Variants in HMCN2 observed in about 807,000 individuals in gnomAD.
HMCN2 encodes the protein hemicentin 2, also known as hemicentin-2.
A neutral mutation model predicts 377.5 loss-of-function variants in HMCN2; 325 were observed. The ratio of observed to expected loss-of-function variants is 0.86; its 90% CI spans 0.79 to 0.94. The LOEUF is 0.94. HMCN2 is among the 40% of genes least tolerant of loss of function. HMCN2 has a pLI of 0.00. For missense variants in HMCN2, 4,543 were observed against 4,725.3 expected (o/e 0.96, Z 1.13); for synonymous variants, 2,007 against 2,046.8 (o/e 0.98, Z 0.53).
chr9:130,317,467 ATCTCTCTCTCTCTCTC>A (rs1177875902), intron 15 of HMCN2, among the ~76,000 whole-genome samples: 5,737 of 123,432 alleles, frequency 0.046, 413 homozygotes, highest in African/African-American at 0.17. Context: ...AGACCCCACC[ATCTCTCTCTCTCTCTC>A]TCTCTCTCTC....
In HMCN2 at chr9:130,349,588, C is replaced by T. The variant is rs865945760; in HGVS notation, c.4355C>T (p.Ala1452Val). ...AGAAQEVLGL[A>V]GADVELQCWT... ...GCCGCTCAGGAGGTGCTAGGATTGG[C>T]CGGTGCAGACGTGGAGCTGCAGTGT... The change falls in exon 29 of 98, where the codon GCC (alanine) becomes GTC (valine). Residue 1452 changes from alanine (A) to valine (V), a missense_variant. Physicochemically the swap from Ala to Val is moderately conservative, Grantham distance 64. Around this residue, in one of 5 missense-constraint regions of HMCN2, gnomAD observed 1,032 missense variants for 1,285.1 expected, o/e 0.80. Coordinates refer to ENST00000683500, the MANE Select transcript of HMCN2 (RefSeq NM_001291815.2). The T allele has an allele frequency of 1.5e-6, 2 of 1,303,948 alleles. No homozygotes were observed. The highest frequency in any genetic ancestry group is 2.0e-6 in the Non-Finnish European group (2 of 988,892). 80.8% of individuals were successfully genotyped at this position (1,303,948 alleles called of 1,614,324 possible).
At chr9:130,383,976 G>C (rs144231951) in intron 57 of HMCN2, among the ~76,000 whole-genome samples, 2 of 152,162 alleles carry the variant, frequency 1.3e-5, no homozygotes, top group East Asian at 1.9e-4. Context: ...AGTGGGATTG[G>C]GGGGGTCTCA....
In HMCN2 at chr9:130,392,130, G is replaced by T. The variant is rs922296068; in HGVS notation, c.10136+12G>T. ...GGCCACACCCTCAGGTAGGGGAGAC[G>T]GTGGACAGGCCTTGGCTATTCCACT... On this transcript the variant is annotated intron_variant, in intron 66 of 97. Coordinates refer to ENST00000683500, the MANE Select transcript of HMCN2 (RefSeq NM_001291815.2). 1 of 988,082 alleles carries T rather than the reference G, an allele frequency of 1.0e-6. No homozygotes were observed. Among genetic ancestry groups the T allele is most frequent in the Non-Finnish European group, 1.2e-6 (1 of 830,108 alleles). The allele number at this position is 988,082 out of a possible 1,614,324, so 61.2% of individuals were successfully genotyped here. A position where few individuals can be genotyped will look rare whatever the true frequency, so the allele number is the denominator to read the frequency against.
rs189598336 is a variant in HMCN2, at chr9:130,418,517, A to T, written c.12962-255A>T. Among the ~76,000 whole-genome samples the T allele has an allele frequency of 1.1e-4, 17 of 152,306 alleles. No homozygotes were observed. The East Asian group carries it at 2.7e-3, about 24-fold the overall frequency. ...AGCTGAGATCGCACCACTGCACTCC[A>T]TCCTGGGGGACAGAGTGAGACTCCA... On this transcript the variant is annotated intron_variant, in intron 85 of 97. Coordinates refer to ENST00000683500, the MANE Select transcript of HMCN2 (RefSeq NM_001291815.2).
intron 85 of HMCN2, among the ~76,000 whole-genome samples, chr9:130,413,741 G>GCGCACACACA (rs1188847967): frequency 6.6e-6 from 1 of 151,928 alleles, no homozygotes; most frequent in Admixed American, 6.6e-5. Flanking sequence ...ATGTGCACGT[G>GCGCACACACA]CGCACACACA....
intron 54 of HMCN2, among the ~76,000 whole-genome samples, chr9:130,380,412 G>T (rs1348297598): frequency 6.6e-6 from 1 of 152,116 alleles, no homozygotes; most frequent in Non-Finnish European, 1.5e-5. Flanking sequence ...CGGCAATGGG[G>T]CTGGTTTTGG....
chr9:130,397,356 CATGTGGGAATTATGGGAGCTACAAG>C (rs934457799), intron 73 of HMCN2, among the ~76,000 whole-genome samples, 147 bp from the exon 74 acceptor site: 4 of 152,222 alleles, frequency 2.6e-5, no homozygotes, highest in Non-Finnish European at 5.9e-5. Flanking sequence ...CCTCCCACAA[CATGTGGGAATTATGGGAGCTACAAG>C]ATGAGATTTG....
chr9:130,426,926 C>T (rs1844411069), intron 90 of HMCN2, among the ~76,000 whole-genome samples: 1 of 152,142 alleles, frequency 6.6e-6, no homozygotes, highest in African/African-American at 2.4e-5. Flanking sequence ...CCAGCTCACC[C>T]CTCCCCTGCC....
At chr9:130,403,381 G>A in intron 79 of HMCN2, 53 bp downstream of exon 79, 1 of 1,282,908 alleles carries the variant, frequency 7.8e-7, no homozygotes, top group Non-Finnish European at 1.0e-6. Context: ...CGTGGGTCTG[G>A]GCAGGGGGGG....
At position 130,428,635 on chromosome 9, in the gene HMCN2, G is replaced by A; in HGVS notation, c.14197+146G>A. On this transcript the variant is annotated intron_variant, in intron 93 of 97. Coordinates refer to ENST00000683500, the MANE Select transcript of HMCN2 (RefSeq NM_001291815.2). The surrounding 1 kb of genome is among the most constrained non-coding windows in gnomAD (Gnocchi z 5.0). ...GGCAGAAGGAGTACAGCAAGGCTGG[G>A]GACAAAGCCTGCGCCAGGCTCTGGA... is the stretch of plus-strand genomic sequence containing the variant. 8.3e-7 allele frequency: 1 copy of A among 1,203,400 alleles called. No homozygotes were observed. The highest frequency in any genetic ancestry group is 2.5e-5 in the Admixed American group (1 of 40,240). The allele number at this position is 1,203,400 out of a possible 1,614,324, so 74.5% of individuals were successfully genotyped here. A position where few individuals can be genotyped will look rare whatever the true frequency, so the allele number is the denominator to read the frequency against.
chr9:130,384,324 G>C, intron 57 of HMCN2, 49 bp from the exon 58 acceptor site: 1 of 1,256,242 alleles, frequency 8.0e-7, no homozygotes, highest in South Asian at 1.3e-5. Flanking sequence ...GTGCTCCCCT[G>C]CTGGTGTGAT....
At chr9:130,371,643 A>C (rs1413369290) in intron 46 of HMCN2, among the ~76,000 whole-genome samples, 2 of 152,202 alleles carry the variant, frequency 1.3e-5, no homozygotes, top group African/African-American at 4.8e-5. Flanking sequence ...TCAGTCACCC[A>C]TTGGTTGTTC....
intron 23 of HMCN2, among the ~76,000 whole-genome samples, chr9:130,339,860 G>A (rs1012530755): frequency 6.6e-6 from 1 of 152,146 alleles, no homozygotes; most frequent in South Asian, 2.1e-4. Context: ...TAGGGGGTGG[G>A]TGCACCTCAG....
chr9:130,296,417 C>T (rs945611624), intron 6 of HMCN2, among the ~76,000 whole-genome samples: 11 of 152,154 alleles, frequency 7.2e-5, no homozygotes, highest in Non-Finnish European at 1.0e-4. Context: ...CAGGGCCTGC[C>T]GGGGCTGAGG....
intron 75 of HMCN2, 146 bp from the exon 76 acceptor site, chr9:130,399,365 C>A: frequency 2.0e-6 from 2 of 1,001,992 alleles, no homozygotes; most frequent in Non-Finnish European, 2.5e-6. Context: ...ACCTGTGGGG[C>A]AGAAACTTCT....
chr9:130,321,306 C>A (rs1237117012), intron 18 of HMCN2, among the ~76,000 whole-genome samples: 1 of 145,138 alleles, frequency 6.9e-6, no homozygotes, highest in Non-Finnish European at 1.6e-5. Context: ...GCTGAACGCA[C>A]AGTGGTTGCC....
At chr9:130,388,667 G>A (rs560103733) in intron 62 of HMCN2, 127 bp downstream of exon 62, 23 of 465,090 alleles carry the variant, frequency 4.9e-5, no homozygotes, top group East Asian at 6.1e-4. Context: ...TGGCAGTGCC[G>A]TGTTGCCCCC....
At chr9:130,284,467 C>G (rs1476051773) in intron 1 of HMCN2, 136 bp from the exon 2 acceptor site, 1 of 403,266 alleles carries the variant, frequency 2.5e-6, no homozygotes, top group African/African-American at 2.1e-5. Flanking sequence ...GGGAGCTGCT[C>G]CCTGATCTCT....
In HMCN2 at chr9:130,385,750, C is replaced by G; in HGVS notation, c.9297C>G (p.Ile3099Met). The G allele has an allele frequency of 7.7e-7, 1 of 1,303,782 alleles. No individual in the cohort carries two copies. The highest frequency in any genetic ancestry group is 1.0e-6 in the Non-Finnish European group (1 of 988,848). The allele number at this position is 1,303,782 out of a possible 1,614,324, so 80.8% of individuals were successfully genotyped here. ...QALRGGQRLE[I>M]QEAQVSDKGL... ...TGCGGGGTGGGCAGAGGCTGGAGATCCAGGAAGCCCAGGTGAGCAACCCTG... is the reference window on the plus strand; with the variant it reads ...TGCGGGGTGGGCAGAGGCTGGAGATGCAGGAAGCCCAGGTGAGCAACCCTG... The change falls in exon 60 of 98, where the codon ATC (isoleucine) becomes ATG (methionine). Residue 3099 changes from isoleucine to methionine, a missense_variant. Ile to Met is a conservative substitution (Grantham distance 10, BLOSUM62 1). Transcript: ENST00000683500.
Sources: gnomAD v4.1 joint callset for allele counts (sites outside exome capture counted in the v4.1 genomes callset) on GRCh38, gnomAD v4.1.1 for gene constraint, gnomAD v4.1.1 regional missense constraint, Gnocchi (gnomAD v3.1) non-coding constraint, MANE v1.5 for transcripts, NCBI Gene and HGNC (gene_info 2026-07-23, HGNC 2026-07-21) for gene names.